PTPRK: variants seen among roughly 807,000 people sequenced by gnomAD.
PTPRK encodes the protein protein tyrosine phosphatase receptor type K, also known as receptor-type tyrosine-protein phosphatase kappa.
In PTPRK, 75 loss-of-function variants were observed where a neutral mutation model predicts 178.0. The ratio of observed to expected loss-of-function variants is 0.42; its 90% confidence interval spans 0.35 to 0.51. The LOEUF (loss-of-function observed/expected upper bound fraction) is 0.51, where lower values mean the gene tolerates loss of function less well. PTPRK is among the 20% of genes least tolerant of loss of function. PTPRK has a pLI of 0.02. For missense variants in PTPRK, 1,441 were observed against 1,797.8 expected (o/e 0.80, Z 3.59); for synonymous variants, 637 against 620.6 (o/e 1.03, Z -0.39).
chr6:128,224,334 G>A (rs1337888044), intron 5 of PTPRK, among the ~76,000 whole-genome samples: 1 of 152,154 alleles, frequency 6.6e-6, no homozygotes, highest in Non-Finnish European at 1.5e-5. Flanking sequence ...AATCCTCAAT[G>A]TTATCACTCC....
At chr6:128,046,462 G>A (rs1268894864) in intron 13 of PTPRK, among the ~76,000 whole-genome samples, 1 of 152,066 alleles carries the variant, frequency 6.6e-6, no homozygotes, top group Non-Finnish European at 1.5e-5. Context: ...ACCAAGAAAA[G>A]CCACATCCCT....
intron 14 of PTPRK, 28 bp from the exon 15 acceptor site, chr6:128,005,272 C>T: frequency 6.2e-7 from 1 of 1,608,732 alleles, no homozygotes; most frequent in Non-Finnish European, 8.5e-7. Context: ...AAAGGGCATC[C>T]TTAGTGTTTG....
intron 2 of PTPRK, among the ~76,000 whole-genome samples, chr6:128,344,369 C>T (rs994214267): frequency 5.3e-5 from 8 of 152,156 alleles, no homozygotes; most frequent in African/African-American, 1.9e-4. Context: ...CATCAGGATT[C>T]TTATGCTGAA....
chr6:128,001,085 A>T, intron 15 of PTPRK: 2 of 769,486 alleles, frequency 2.6e-6, no homozygotes, highest in Non-Finnish European at 4.0e-6. Flanking sequence ...TAATGTGACT[A>T]GTAGTGAGGG....
intron 7 of PTPRK, among the ~76,000 whole-genome samples, chr6:128,126,822 T>C (rs1185836529): frequency 2.6e-5 from 4 of 152,256 alleles, no homozygotes; most frequent in Non-Finnish European, 1.5e-5. Flanking sequence ...TAGGTAAGAA[T>C]GTGATTGCTG....
At chr6:128,293,999 T>C (rs1823835845) in intron 3 of PTPRK, among the ~76,000 whole-genome samples, 1 of 152,150 alleles carries the variant, frequency 6.6e-6, no homozygotes, top group Non-Finnish European at 1.5e-5. Flanking sequence ...GCCTTTGTGC[T>C]TATAGCTGTA....
At chr6:128,021,509 G>A (rs1290830949) in intron 13 of PTPRK, among the ~76,000 whole-genome samples, 3 of 152,114 alleles carry the variant, frequency 2.0e-5, no homozygotes, top group African/African-American at 7.2e-5. Context: ...GGTGGTGGGC[G>A]CCTGTAGTCC....
At chr6:128,022,173 G>C (rs1773613734) in intron 13 of PTPRK, among the ~76,000 whole-genome samples, 1 of 152,174 alleles carries the variant, frequency 6.6e-6, no homozygotes, top group Non-Finnish European at 1.5e-5. Flanking sequence ...TGAAAAGCTA[G>C]AGTAGTTGGT....
At chr6:127,999,323 G>T (rs1323275316) in intron 15 of PTPRK, among the ~76,000 whole-genome samples, 1 of 151,876 alleles carries the variant, frequency 6.6e-6, no homozygotes, top group African/African-American at 2.4e-5. Context: ...CTCCCTCAGA[G>T]ATACCCGATC....
At chr6:128,190,709 G>A (rs1198908962) in intron 6 of PTPRK, among the ~76,000 whole-genome samples, 1 of 151,818 alleles carries the variant, frequency 6.6e-6, no homozygotes, top group Non-Finnish European at 1.5e-5. Flanking sequence ...ATGTTGGCCA[G>A]GCTGGTCTGA....
intron 6 of PTPRK, among the ~76,000 whole-genome samples, chr6:128,193,740 T>C (rs1248160796): frequency 6.6e-6 from 1 of 152,206 alleles, no homozygotes; most frequent in Non-Finnish European, 1.5e-5. Flanking sequence ...CTGAATTTTA[T>C]ATCCTATGCA....
At chr6:128,172,405 A>T (rs747870771) in intron 7 of PTPRK, among the ~76,000 whole-genome samples, 2 of 151,836 alleles carry the variant, frequency 1.3e-5, no homozygotes, top group Non-Finnish European at 2.9e-5. Context: ...TAGGTGCTTT[A>T]TCTCCCCTGT....
chr6:128,164,440 T>C lies in PTPRK; in HGVS notation c.1162+19992A>G, dbSNP rs41514350. 2.6e-3 allele frequency among the ~76,000 whole-genome samples: 387 copies of C among 151,504 alleles called. 16 individuals are homozygous for C. In the East Asian group the frequency reaches 0.055, roughly 22 times the overall value. The stretch of plus-strand genomic sequence containing the variant: ...TAGGATTATTAATTGAGCTTTTGTA[T>C]ATGACATCACTATTAAATTGTCCAG... On this transcript the variant is annotated intron_variant, in intron 7 of 29. Transcript: ENST00000368226.
intron 1 of PTPRK, among the ~76,000 whole-genome samples, chr6:128,515,412 G>A (rs377580698): frequency 6.6e-6 from 1 of 151,370 alleles, no homozygotes; most frequent in Non-Finnish European, 1.5e-5. Context: ...AACAGCATGA[G>A]TTTTGATTAA....
At chr6:128,426,566 T>C (rs971343246) in intron 1 of PTPRK, among the ~76,000 whole-genome samples, 2 of 152,204 alleles carry the variant, frequency 1.3e-5, no homozygotes, top group Admixed American at 6.5e-5. Flanking sequence ...CTCCTTCAAA[T>C]GCTCTTTGCT....
intron 7 of PTPRK, among the ~76,000 whole-genome samples, chr6:128,143,401 T>A (rs1272713811): frequency 6.6e-6 from 1 of 152,174 alleles, no homozygotes; most frequent in Non-Finnish European, 1.5e-5. Context: ...CATGAATGTT[T>A]TATTTCTGGT....
rs1164450520 is a variant in PTPRK at position 128,464,638 on chromosome 6, C to CACATATATATATAT, written c.100+55620_100+55621insATATATATATATGT. Among the ~76,000 whole-genome samples, 69 of 48,602 alleles carry CACATATATATATAT rather than the reference C, an allele frequency of 1.4e-3. 1 individual carries two copies. Among genetic ancestry groups the CACATATATATATAT allele is most frequent in the African/African-American group, 2.8e-3 (30 of 10,588 alleles). The allele number at this position is 48,602 out of a possible 152,430, so 31.9% of individuals were successfully genotyped here. ...ACATATACATATATATATATATACA[C>CACATATATATATAT]ATATATATATATATATATATATATA... On this transcript the variant is annotated intron_variant, in intron 1 of 29. Coordinates refer to ENST00000368226, the MANE Select transcript of PTPRK (RefSeq NM_002844.4).
chr6:128,172,678 A>C (rs1456008479), intron 7 of PTPRK, among the ~76,000 whole-genome samples: 1 of 151,762 alleles, frequency 6.6e-6, no homozygotes, highest in Non-Finnish European at 1.5e-5. Flanking sequence ...CTATAGATAT[A>C]TGCATATCAA....
intron 1 of PTPRK, among the ~76,000 whole-genome samples, chr6:128,405,186 G>T (rs529177020): frequency 3.2e-4 from 48 of 152,208 alleles, no homozygotes; most frequent in African/African-American, 1.1e-3. Flanking sequence ...TTTAAATAGG[G>T]TGACTTAAGG....
Sources: allele counts gnomAD v4.1 joint callset (sites outside exome capture counted in the v4.1 genomes callset), GRCh38; gene constraint gnomAD v4.1.1; transcripts MANE v1.5; gene names NCBI Gene and HGNC (gene_info 2026-07-23, HGNC 2026-07-21).